Variants in TIMELESS observed in about 807,000 individuals in gnomAD.
TIMELESS encodes the protein timeless circadian regulator, also known as protein timeless homolog.
A neutral mutation model predicts 164.3 loss-of-function variants in TIMELESS; 124 were observed. The observed-to-expected ratio is 0.75, with a 90% CI of 0.65 to 0.88. TIMELESS has a LOEUF of 0.88. Ranked by LOEUF, TIMELESS falls within the 40% of genes least tolerant of loss-of-function variation. TIMELESS has a pLI of 0.00. For synonymous variants in TIMELESS, 564 were observed against 563.4 expected (o/e 1.00, Z -0.02); for missense variants, 1,422 against 1,491.4 (o/e 0.95, Z 0.77).
At chr12:56,443,898 C>CTTTT (rs1225876764) in intron 1 of TIMELESS, among the ~76,000 whole-genome samples, 2 of 134,838 alleles carry the variant, frequency 1.5e-5, no homozygotes, top group Non-Finnish European at 3.2e-5. Flanking sequence ...TTTCGGTATT[C>CTTTT]TTTTTTTTTT....
At chr12:56,435,156 G>C (rs1167286149) in intron 1 of TIMELESS, among the ~76,000 whole-genome samples, 1 of 152,092 alleles carries the variant, frequency 6.6e-6, no homozygotes, top group African/African-American at 2.4e-5. Flanking sequence ...ATTCCACCAA[G>C]GATCTAATAC....
In TIMELESS at chr12:56,429,116, G is replaced by T; in HGVS notation, c.1087-16C>A. On this transcript the variant is annotated splice_polypyrimidine_tract_variant and intron_variant, in intron 10 of 28. Coordinates refer to ENST00000553532, the MANE Select transcript of TIMELESS (RefSeq NM_003920.5). ...GCAGGTGATCCTGACATTTAAAAAA[G>T]AAAAAAAAAGATCACCATGACTCCA... 2 of 1,576,880 alleles carry T rather than the reference G, an allele frequency of 1.3e-6. No homozygotes were observed.
Position 56,430,115 on chromosome 12 carries a change from C to T in TIMELESS, c.1076G>A (p.Gly359Glu), listed in dbSNP as rs1331009569. Residue 359 changes from glycine (G) to glutamate (E), a missense_variant, in exon 10 of 29, where the codon GGA (glycine) becomes GAA (glutamate). Physicochemically the swap from Gly to Glu is moderately conservative, Grantham distance 98. Transcript: ENST00000553532. ...FLENCYNRLMGSVKDHLLREK... is the reference protein window; with the variant it reads ...FLENCYNRLMESVKDHLLREK... ...TTCACAGGTTCTCACCTTTACTGATCCCATGAGCCGGTTGTAACAGTTCTC... is the reference window on the plus strand; with the variant it reads ...TTCACAGGTTCTCACCTTTACTGATTCCATGAGCCGGTTGTAACAGTTCTC... 6.2e-7 allele frequency: 1 copy of T among 1,611,698 alleles called. No homozygotes were observed. Among genetic ancestry groups the T allele is most frequent in the Non-Finnish European group, 8.5e-7 (1 of 1,179,260 alleles).
intron 1 of TIMELESS, among the ~76,000 whole-genome samples, chr12:56,434,737 A>AAAAT (rs143854969): frequency 0.11 from 16,022 of 151,938 alleles, 1,042 homozygotes; most frequent in Non-Finnish European, 0.14. Context: ...ACTCTGTCTC[A>AAAAT]AAATAAATAA....
intron 6 of TIMELESS, 52 bp downstream of exon 6, chr12:56,432,974 A>AAAAAAAG (rs142212258): frequency 1.7e-5 from 16 of 946,674 alleles, no homozygotes; most frequent in South Asian, 4.6e-5. Context: ...AAAAAAAAAA[A>AAAAAAAG]GGCAGCTCAA....
chr12:56,422,922 A>G lies in TIMELESS; in HGVS notation c.2363T>C (p.Phe788Ser), dbSNP rs149136763. ...FALAAVNQKA[F>S]VELLFWKNTA... ...GTTCTTCCAGAACAACAGCTCCACA[A>G]AGGCTTTTTGGTTGACTGCAGCCAG... is the stretch of plus-strand genomic sequence containing the variant. Residue 788 changes from phenylalanine (F) to serine (S), a missense_variant, in exon 19 of 29, where the codon TTT (phenylalanine) becomes TCT (serine). By Grantham distance (155) the Phe-to-Ser change is radical (BLOSUM62 -2). Coordinates refer to ENST00000553532, the MANE Select transcript of TIMELESS (RefSeq NM_003920.5). 1.2e-6 allele frequency: 2 copies of G among 1,613,782 alleles called. No homozygotes were observed. The highest frequency in any genetic ancestry group is 1.7e-6 in the Non-Finnish European group (2 of 1,179,982).
chr12:56,420,029 A>AAAAAAAAATATAT (rs1555176447), intron 26 of TIMELESS, among the ~76,000 whole-genome samples: 1 of 75,188 alleles, frequency 1.3e-5, no homozygotes, highest in African/African-American at 6.7e-5. Context: ...AAAAAAAAAA[A>AAAAAAAAATATAT]ATATATATAT....
At position 56,428,950 on chromosome 12, in the gene TIMELESS, G is replaced by C; in HGVS notation, c.1237C>G (p.Gln413Glu). 1 of 1,614,136 alleles carries C rather than the reference G, an allele frequency of 6.2e-7. No homozygotes were observed. ...ATCTCATAGTAGTTGGTGAGGTTCT[G>C]CTCAATGAAGTGGAAGGTACGGACA... ...LSVRTFHFIEQNLTNYYEMML... is the reference protein window; with the variant it reads ...LSVRTFHFIEENLTNYYEMML... Residue 413 changes from glutamine (Q) to glutamate (E), a missense_variant, in exon 11 of 29, where the codon CAG (glutamine) becomes GAG (glutamate). Physicochemically the swap from Gln to Glu is conservative, Grantham distance 29 (BLOSUM62 2). Transcript: ENST00000553532.
intron 26 of TIMELESS, among the ~76,000 whole-genome samples, 191 bp from the exon 27 acceptor site, chr12:56,418,550 G>T (rs1881348953): frequency 6.7e-6 from 1 of 150,078 alleles, no homozygotes; most frequent in Non-Finnish European, 1.5e-5. Flanking sequence ...GAGGTTCCCA[G>T]TTATAGGTTT....
intron 1 of TIMELESS, among the ~76,000 whole-genome samples, chr12:56,444,960 C>T (rs918334365): frequency 2.0e-5 from 3 of 151,214 alleles, no homozygotes; most frequent in South Asian, 2.1e-4. Flanking sequence ...TTGACAATCT[C>T]GTATGTTAAA....
At chr12:56,448,952 GGTT>G (rs1450444634) in intron 1 of TIMELESS, among the ~76,000 whole-genome samples, 1 of 152,136 alleles carries the variant, frequency 6.6e-6, no homozygotes, top group Admixed American at 6.6e-5. Flanking sequence ...GCCACACACC[GGTT>G]TTTTTCAGGA....
At position 56,433,073 on chromosome 12, in the gene TIMELESS, G is replaced by A; in HGVS notation, c.484C>T (p.Leu162=). The A allele has an allele frequency of 6.2e-7, 1 of 1,613,682 alleles. No individual in the cohort carries two copies. The highest frequency in any genetic ancestry group is 8.5e-7 in the Non-Finnish European group (1 of 1,179,966). The change falls in exon 6 of 29, where the codon CTG becomes TTG. Residue 162 remains leucine (L), a synonymous_variant. Coordinates refer to ENST00000553532, the MANE Select transcript of TIMELESS (RefSeq NM_003920.5). ...DNLLIERILL[L]VRNILHVPAD... The stretch of plus-strand genomic sequence containing the variant: ...GGGACATGGAGAATATTTCTGACCA[G>A]CAGTAGGATCCGTTCAATCAGCAAG...
At chr12:56,420,490 T>A in intron 26 of TIMELESS, 79 bp downstream of exon 26, 1 of 1,182,120 alleles carries the variant, frequency 8.5e-7, no homozygotes, top group South Asian at 1.3e-5. Flanking sequence ...AGGACCACCA[T>A]GACAGTGAGG....
chr12:56,446,331 G>C (rs1833008206), intron 1 of TIMELESS, among the ~76,000 whole-genome samples: 1 of 152,290 alleles, frequency 6.6e-6, no homozygotes, highest in South Asian at 2.1e-4. Context: ...TCTAGGATAG[G>C]AGAAATATTT....
Position 56,428,610 on chromosome 12 carries a change from T to C in TIMELESS, c.1347A>G (p.Thr449=). 2 of 1,614,130 alleles carry C rather than the reference T, an allele frequency of 1.2e-6. No individual in the cohort carries two copies. The highest frequency in any genetic ancestry group is 1.7e-6 in the Non-Finnish European group (2 of 1,180,026). ...ALKAYQELLA[T]VNEMDISPDE... The stretch of plus-strand genomic sequence containing the variant: ...CTGGAGATATGTCCATCTCATTCAC[T>C]GTTGCCAGCAGCTCCTGATAGGCCT... Residue 449 remains threonine (T), a synonymous_variant, in exon 12 of 29, where the codon ACA becomes ACG. Coordinates refer to ENST00000553532, the MANE Select transcript of TIMELESS (RefSeq NM_003920.5).
chr12:56,447,795 T>C (rs745357230), intron 1 of TIMELESS, among the ~76,000 whole-genome samples: 3 of 152,100 alleles, frequency 2.0e-5, no homozygotes, highest in Non-Finnish European at 4.4e-5. Context: ...TAACTTGGCA[T>C]AGGAAGCTGG....
Position 56,429,013 on chromosome 12 carries a change from C to A in TIMELESS, c.1174G>T (p.Ala392Ser). The change falls in exon 11 of 29, where the codon GCC becomes TCC. Residue 392 changes from alanine to serine, a missense_variant. By Grantham distance (99) the Ala-to-Ser change is moderately conservative (BLOSUM62 1). Coordinates refer to ENST00000553532, the MANE Select transcript of TIMELESS (RefSeq NM_003920.5). ...LAFFMAFNRAASFRPGLVSET... is the reference protein window; with the variant it reads ...LAFFMAFNRASSFRPGLVSET... The stretch of plus-strand genomic sequence containing the variant: ...GAAACCAGGCCTGGCCGGAAGGAGG[C>A]AGCTCGGTTGAAGGCCATGAAGAAA... 6.2e-7 allele frequency: 1 copy of A among 1,614,128 alleles called. No homozygotes were observed. The highest frequency in any genetic ancestry group is 8.5e-7 in the Non-Finnish European group (1 of 1,180,026).
At chr12:56,428,784 G>A in intron 11 of TIMELESS, 99 bp downstream of exon 11, 2 of 1,490,844 alleles carry the variant, frequency 1.3e-6, no homozygotes, top group Non-Finnish European at 9.3e-7. Context: ...TTGCTCCCCA[G>A]ACTGATCACC....
Sources: gnomAD v4.1 joint callset for allele counts (sites outside exome capture counted in the v4.1 genomes callset) on GRCh38, gnomAD v4.1.1 for gene constraint, MANE v1.5 for transcripts, NCBI Gene and HGNC (gene_info 2026-07-23, HGNC 2026-07-21) for gene names.